The following PCDHA8 variants were observed in gnomAD, a reference collection of about 807,000 sequenced individuals.
PCDHA8 encodes protocadherin alpha-8.
Under a neutral mutation model 61.8 loss-of-function variants are expected in PCDHA8, and 53 were observed. That is an observed-to-expected ratio of 0.86 (90% CI 0.69 to 1.08). The LOEUF is 1.08. PCDHA8 is among the 50% of genes least tolerant of loss of function. The pLI is 0.00. For synonymous variants in PCDHA8, 618 were observed against 556.6 expected (o/e 1.11, Z -1.55); for missense variants, 1,293 against 1,245.0 (o/e 1.04, Z -0.58).
chr5:140,904,685 G>A (rs2071317723), intron 1 of PCDHA8, among the ~76,000 whole-genome samples: 1 of 152,104 alleles, frequency 6.6e-6, no homozygotes, highest in African/African-American at 2.4e-5. Context: ...CCCACCAGCA[G>A]TGTAAAATTG....
At chr5:140,856,545 T>C in intron 1 of PCDHA8, 1 of 1,598,250 alleles carries the variant, frequency 6.3e-7, no homozygotes, top group South Asian at 1.1e-5. Context: ...GAGAACGCAT[T>C]GCTTACTTAC....
chr5:140,928,351 G>A lies in PCDHA8; in HGVS notation c.2395-50598G>A, dbSNP rs201396871. ...CCTTGTCTCTTATGAGCTGTTGGAT[G>A]TTATCTCTGAAGGGCCATCAGCCTC... On this transcript the variant is annotated intron_variant, in intron 1 of 3. Coordinates refer to ENST00000531613, the MANE Select transcript of PCDHA8 (RefSeq NM_018911.3). The A allele has an allele frequency of 1.2e-5, 20 of 1,614,150 alleles. No individual in the cohort carries two copies. In the East Asian group the frequency reaches 4.5e-4, roughly 36 times the overall value.
rs80155737 is a variant in PCDHA8, at chr5:140,924,458, T to C, written c.2395-54491T>C. Among the ~76,000 whole-genome samples, 1,228 of 152,310 alleles carry C rather than the reference T, an allele frequency of 8.1e-3. 6 individuals are homozygous for C. Among genetic ancestry groups the C allele is most frequent in the African/African-American group, 0.019 (794 of 41,566 alleles). On this transcript the variant is annotated intron_variant, in intron 1 of 3. Coordinates refer to ENST00000531613, the MANE Select transcript of PCDHA8 (RefSeq NM_018911.3). The stretch of plus-strand genomic sequence containing the variant: ...GAGATAACGAATGGGTTTGTGTGTT[T>C]AGGGAGGTAACTGGTTTTTAGTGGA...
intron 1 of PCDHA8, among the ~76,000 whole-genome samples, chr5:140,916,773 A>G (rs1584011849): frequency 6.6e-6 from 1 of 151,502 alleles, no homozygotes; most frequent in South Asian, 2.1e-4. Context: ...TGGCACAAGC[A>G]CTCCCTTAGC....
chr5:140,934,337 A>G (rs1404340648), intron 1 of PCDHA8, among the ~76,000 whole-genome samples: 1 of 152,128 alleles, frequency 6.6e-6, no homozygotes, highest in African/African-American at 2.4e-5. Context: ...TGTAATAACC[A>G]CCAGTACAGT....
rs1554144146 is a variant in PCDHA8, at chr5:140,850,293, G to A, written c.2394+6578G>A. 7.5e-6 allele frequency: 12 copies of A among 1,596,282 alleles called. 1 individual carries two copies. Among genetic ancestry groups the A allele is most frequent in the Non-Finnish European group, 1.0e-5 (12 of 1,167,618 alleles). ...GGGGAAGGTGCGCGCAGTGGACGCC[G>A]ACTCGGGCTACAACGCGTGGCTTTC... On this transcript the variant is annotated intron_variant, in intron 1 of 3. Transcript: ENST00000531613.
intron 1 of PCDHA8, among the ~76,000 whole-genome samples, chr5:140,888,289 C>T (rs543077496): frequency 1.3e-5 from 2 of 152,246 alleles, no homozygotes; most frequent in Admixed American, 1.3e-4. Flanking sequence ...CCTCTACCCC[C>T]TACCCAGGAG....
At chr5:140,917,739 T>C (rs1554198287) in intron 1 of PCDHA8, among the ~76,000 whole-genome samples, 1 of 152,222 alleles carries the variant, frequency 6.6e-6, no homozygotes, top group African/African-American at 2.4e-5. Flanking sequence ...CTCTAACCTG[T>C]CCCATTGGTC....
Position 140,850,196 on chromosome 5 carries a change from A to C in PCDHA8, c.2394+6481A>C, listed in dbSNP as rs1367952118. 5 of 1,592,830 alleles carry C rather than the reference A, an allele frequency of 3.1e-6. No homozygotes were observed. The Admixed American group carries it at 8.4e-5, about 27-fold the overall frequency. On this transcript the variant is annotated intron_variant, in intron 1 of 3. Transcript: ENST00000531613. ...ACGACAATGCGCCGGCGCTGCTGAC[A>C]CCTCGGATGAGGGGCACTGACGGCG...
intron 1 of PCDHA8, among the ~76,000 whole-genome samples, chr5:140,953,010 G>C (rs116014174): frequency 0.016 from 2,468 of 152,152 alleles, 61 homozygotes; most frequent in African/African-American, 0.055. Flanking sequence ...ACTATTATGA[G>C]AACAACATTA....
intron 1 of PCDHA8, among the ~76,000 whole-genome samples, chr5:140,873,360 T>C (rs1271954811): frequency 6.6e-6 from 1 of 152,170 alleles, no homozygotes; most frequent in African/African-American, 2.4e-5. Flanking sequence ...ATTTTTGGAA[T>C]AACTGAAGAT....
chr5:140,876,685 T>C, intron 1 of PCDHA8: 1 of 1,614,216 alleles, frequency 6.2e-7, no homozygotes, highest in Non-Finnish European at 8.5e-7. Flanking sequence ...CAAGAATTAC[T>C]ACTCGTTGGT....
rs781845787 is a variant in PCDHA8, at chr5:140,884,003, G to C, written c.2394+40288G>C. 7.4e-6 allele frequency: 12 copies of C among 1,613,086 alleles called. No homozygotes were observed. In the South Asian group the frequency reaches 1.3e-4, roughly 18 times the overall value. ...TGGCAGCGCGGGAGGCACAGTGAGC[G>C]AGCTGATGCCGCGGTCGGTGGGTGC... On this transcript the variant is annotated intron_variant, in intron 1 of 3. Transcript: ENST00000531613.
rs1554168487 is a variant in PCDHA8 at position 140,876,335 on chromosome 5, G to A, written c.2394+32620G>A. ...GGGATCAAAATGATTTTGCCAGTGA[G>A]TGAGAAATGTATGTTTTCAATAAAT... On this transcript the variant is annotated intron_variant, in intron 1 of 3. Transcript: ENST00000531613. 3 of 1,614,034 alleles carry A rather than the reference G, an allele frequency of 1.9e-6. No individual in the cohort carries two copies. The highest frequency in any genetic ancestry group is 4.5e-5 in the East Asian group (2 of 44,894).
intron 1 of PCDHA8, chr5:140,929,696 A>G (rs955159626): frequency 2.6e-5 from 7 of 266,458 alleles, no homozygotes; most frequent in African/African-American, 1.3e-4. Flanking sequence ...TCTGCTTTAT[A>G]TGAATATAAT....
intron 1 of PCDHA8, chr5:140,850,866 G>T: frequency 6.3e-7 from 1 of 1,592,796 alleles, no homozygotes; most frequent in Non-Finnish European, 8.6e-7. Flanking sequence ...AGAACCCTCT[G>T]CTTCCTCAGA....
intron 1 of PCDHA8, among the ~76,000 whole-genome samples, chr5:140,899,127 C>G (rs1487430888): frequency 2.0e-4 from 30 of 152,302 alleles, no homozygotes; most frequent in African/African-American, 7.0e-4. Context: ...ACAATCATGT[C>G]TTCTGCAAAC....
At chr5:140,888,645 C>A (rs1275572541) in intron 1 of PCDHA8, among the ~76,000 whole-genome samples, 2 of 152,200 alleles carry the variant, frequency 1.3e-5, no homozygotes, top group African/African-American at 4.8e-5. Context: ...GCAATACTTT[C>A]CTGAGGACAC....
At chr5:140,873,008 A>G (rs1455373788) in intron 1 of PCDHA8, among the ~76,000 whole-genome samples, 2 of 152,166 alleles carry the variant, frequency 1.3e-5, no homozygotes, top group African/African-American at 4.8e-5. Flanking sequence ...GTCATTCTTC[A>G]TATTTAGTTA....
Sources: gnomAD v4.1 joint callset for allele counts (sites outside exome capture counted in the v4.1 genomes callset) on GRCh38, gnomAD v4.1.1 for gene constraint, MANE v1.5 for transcripts, NCBI Gene and HGNC (gene_info 2026-07-23, HGNC 2026-07-21) for gene names.